The following CBLC variants were observed in gnomAD, a reference collection of about 807,000 sequenced individuals.
CBLC encodes Cbl proto-oncogene C, also known as E3 ubiquitin-protein ligase CBL-C.
A neutral mutation model predicts 58.6 loss-of-function variants in CBLC; 46 were observed. The ratio of observed to expected loss-of-function variants is 0.79; its 90% confidence interval spans 0.62 to 1.00. The LOEUF (loss-of-function observed/expected upper bound fraction) is 1.00, where lower values mean the gene tolerates loss of function less well. Among genes scored for constraint, CBLC ranks in the 50% least tolerant of loss-of-function variants. The probability of loss-of-function intolerance (pLI) is 0.00; values close to 1 mark genes in which losing one functional copy is unlikely to be tolerated. For missense variants in CBLC, 655 were observed against 625.8 expected (o/e 1.05, Z -0.50); for synonymous variants, 271 against 264.2 (o/e 1.03, Z -0.25).
At chr19:44,789,409 C>CTT (rs540906336) in intron 5 of CBLC, among the ~76,000 whole-genome samples, 4 of 145,736 alleles carry the variant, frequency 2.7e-5, no homozygotes, top group African/African-American at 7.5e-5. Context: ...GAGATTTTCC[C>CTT]TTTTTTTTTT....
intron 5 of CBLC, among the ~76,000 whole-genome samples, chr19:44,787,017 T>C (rs1327156196): frequency 1.3e-5 from 2 of 151,690 alleles, no homozygotes; most frequent in South Asian, 2.1e-4. Flanking sequence ...CCCGGGAGGT[T>C]GAGGCTGCAG....
intron 6 of CBLC, among the ~76,000 whole-genome samples, chr19:44,791,595 T>TG (rs1968051126): frequency 6.6e-6 from 1 of 151,984 alleles, no homozygotes; most frequent in African/African-American, 2.4e-5. Flanking sequence ...TAGCCAGGTA[T>TG]GGTGGCTTAT....
intron 3 of CBLC, among the ~76,000 whole-genome samples, chr19:44,781,993 G>C (rs1482843512): frequency 1.4e-5 from 2 of 139,368 alleles, no homozygotes; most frequent in Non-Finnish European, 3.1e-5. Context: ...CTGGGTCTGA[G>C]GGAGGAGGGG....
At chr19:44,780,790 T>TA in intron 1 of CBLC, 115 bp from the exon 2 acceptor site, 4 of 1,116,612 alleles carry the variant, frequency 3.6e-6, no homozygotes, top group Non-Finnish European at 3.9e-6. Context: ...ACTCTTACCT[T>TA]ACACTGTTGA....
intron 5 of CBLC, among the ~76,000 whole-genome samples, chr19:44,789,342 C>T (rs974703980): frequency 6.6e-6 from 1 of 152,084 alleles, no homozygotes; most frequent in African/African-American, 2.4e-5. Context: ...ATCTGTGACA[C>T]TAAAATCTGT....
intron 5 of CBLC, among the ~76,000 whole-genome samples, chr19:44,788,479 CTT>C (rs1293573931): frequency 1.0e-4 from 12 of 118,560 alleles, no homozygotes; most frequent in Admixed American, 3.4e-4. Flanking sequence ...TTTAAAATTT[CTT>C]TTTTTTTTTT....
Position 44,785,246 on chromosome 19 carries a change from T to C in CBLC, c.917+845T>C, listed in dbSNP as rs1967868519. ...CACCTCGGCCTCCCAAAATGCTGAT[T>C]ACAGGCATGAGCCACCATGCCCGGT... On this transcript the variant is annotated intron_variant, in intron 5 of 10. Transcript: ENST00000647358. Among the ~76,000 whole-genome samples, 4 of 151,522 alleles carry C rather than the reference T, an allele frequency of 2.6e-5. No individual in the cohort carries two copies. In the South Asian group the frequency reaches 8.4e-4, roughly 32 times the overall value.
Position 44,777,890 on chromosome 19 carries a change from A to C in CBLC, c.-42A>C, listed in dbSNP as rs1318256808. 6.8e-7 allele frequency: 1 copy of C among 1,473,496 alleles called. No individual in the cohort carries two copies. Among genetic ancestry groups the C allele is most frequent in the African/African-American group, 1.5e-5 (1 of 68,704 alleles). 91.3% of individuals were successfully genotyped at this position (1,473,496 alleles called of 1,614,324 possible). ...TTTCACTCTGGGCGAGGCCGCCCCT[A>C]TCCCAGCCGCACCGGTCCTTCCCGG... On this transcript the variant is annotated 5_prime_UTR_variant, in exon 1 of 11. Coordinates refer to ENST00000647358, the MANE Select transcript of CBLC (RefSeq NM_012116.4).
At chr19:44,794,373 G>A in intron 9 of CBLC, 92 bp downstream of exon 9, 1 of 1,201,728 alleles carries the variant, frequency 8.3e-7, no homozygotes. Flanking sequence ...TGCCAGGGCA[G>A]GGACTCATCC....
chr19:44,798,652 G>A (rs910405211), intron 9 of CBLC, among the ~76,000 whole-genome samples: 6 of 152,010 alleles, frequency 3.9e-5, no homozygotes, highest in African/African-American at 7.3e-5. Flanking sequence ...CTTGATTATC[G>A]CTTCCGCCAG....
chr19:44,789,911 A>G lies in CBLC; in HGVS notation c.918-93A>G, dbSNP rs886842866. ...TGGGACAGATCCTCAACTCAGGGAAATATGGGGCCCTGTAGGGGGTAAAGG... is the reference window on the plus strand; with the variant it reads ...TGGGACAGATCCTCAACTCAGGGAAGTATGGGGCCCTGTAGGGGGTAAAGG... On this transcript the variant is annotated intron_variant, in intron 5 of 10. Transcript: ENST00000647358. 5 of 833,106 alleles carry G rather than the reference A, an allele frequency of 6.0e-6. No individual in the cohort carries two copies. The African/African-American group carries it at 6.7e-5, about 11-fold the overall frequency. 51.6% of individuals were successfully genotyped at this position (833,106 alleles called of 1,614,324 possible). A position where few individuals can be genotyped will look rare whatever the true frequency, so the allele number is the denominator to read the frequency against.
chr19:44,787,963 GA>G lies in CBLC; in HGVS notation c.918-2031del, dbSNP rs971945260. Among the ~76,000 whole-genome samples the G allele has an allele frequency of 4.8e-3, 699 of 145,576 alleles. 8 individuals carry two copies. The highest frequency in any genetic ancestry group is 0.016 in the African/African-American group (660 of 40,044). On this transcript the variant is annotated intron_variant, in intron 5 of 10. Transcript: ENST00000647358. ...CCCCATCTCAATAAAGAGAAAAAAA[GA>G]AAAAAAAAATTAGTTACCGACAAGG...
chr19:44,778,378 C>G lies in CBLC; in HGVS notation c.353+94C>G, dbSNP rs1458372667. 9 of 1,216,832 alleles carry G rather than the reference C, an allele frequency of 7.4e-6. No homozygotes were observed. The African/African-American group carries it at 1.2e-4, about 16-fold the overall frequency. The allele number at this position is 1,216,832 out of a possible 1,614,324, so 75.4% of individuals were successfully genotyped here. A position where few individuals can be genotyped will look rare whatever the true frequency, so the allele number is the denominator to read the frequency against. The stretch of plus-strand genomic sequence containing the variant: ...CCAGACCCAGGAACTTAGGCCCCCA[C>G]CCCCTCCTCCCTCAGACCCAGGAAC... On this transcript the variant is annotated intron_variant, in intron 1 of 10. Coordinates refer to ENST00000647358, the MANE Select transcript of CBLC (RefSeq NM_012116.4).
intron 1 of CBLC, 33 bp downstream of exon 1, chr19:44,778,317 G>C: frequency 7.1e-7 from 1 of 1,399,356 alleles, no homozygotes; most frequent in Non-Finnish European, 9.2e-7. Flanking sequence ...AGTCCTCTGG[G>C]GTGAGGCCCA....
At position 44,794,298 on chromosome 19, in the gene CBLC, T is replaced by C. The variant is rs1010185585; in HGVS notation, c.1362+17T>C. The C allele has an allele frequency of 1.9e-6, 3 of 1,611,208 alleles. No individual in the cohort carries two copies. Among genetic ancestry groups the C allele is most frequent in the Non-Finnish European group, 2.5e-6 (3 of 1,178,420 alleles). ...CCGAAAGTGGTGAGTCAGGCGCTGG[T>C]CTGAGGTTGGGGGCTGGGGTCTCAC... On this transcript the variant is annotated intron_variant, in intron 9 of 10. Transcript: ENST00000647358.
intron 9 of CBLC, among the ~76,000 whole-genome samples, chr19:44,798,736 CAAAAAGAAAGAA>C (rs1169837581): frequency 6.6e-6 from 1 of 151,898 alleles, no homozygotes; most frequent in African/African-American, 2.4e-5. Flanking sequence ...AACTCCGTCT[CAAAAAGAAAGAA>C]AGAAAGAAAG....
At chr19:44,800,355 G>T in intron 9 of CBLC, 26 bp from the exon 10 acceptor site, 1 of 1,539,752 alleles carries the variant, frequency 6.5e-7, no homozygotes, top group Non-Finnish European at 9.0e-7. Context: ...GGAATCAACC[G>T]CCCTCTCAAA....
chr19:44,795,457 C>T (rs1968159245), intron 9 of CBLC, among the ~76,000 whole-genome samples: 1 of 151,872 alleles, frequency 6.6e-6, no homozygotes. Context: ...TTGGTAGCTC[C>T]AGTGAGGCGT....
chr19:44,784,603 T>G (rs1967838327), intron 5 of CBLC, among the ~76,000 whole-genome samples: 1 of 152,184 alleles, frequency 6.6e-6, no homozygotes, highest in Non-Finnish European at 1.5e-5. Context: ...TCGCACAAAG[T>G]GGCCATAGAT....
Sources: allele counts gnomAD v4.1 joint callset (sites outside exome capture counted in the v4.1 genomes callset), GRCh38; gene constraint gnomAD v4.1.1; transcripts MANE v1.5; gene names NCBI Gene and HGNC (gene_info 2026-07-23, HGNC 2026-07-21).